The following IL31RA variants were observed in gnomAD, a reference collection of about 807,000 sequenced individuals.
IL31RA encodes the protein interleukin-31 receptor subunit alpha.
A neutral mutation model predicts 83.7 loss-of-function variants in IL31RA; 66 were observed. That is an observed-to-expected ratio of 0.79 (90% CI 0.65 to 0.97). The LOEUF (loss-of-function observed/expected upper bound fraction) is 0.97. Among genes scored for constraint, IL31RA ranks in the 50% least tolerant of loss-of-function variants. The pLI, the probability that IL31RA is intolerant of heterozygous loss-of-function variation, is 0.00. For synonymous variants in IL31RA, 325 were observed against 329.0 expected, an observed-to-expected ratio of 0.99 and a Z score of 0.13; for missense variants, 798 against 919.4, an observed-to-expected ratio of 0.87 and a Z score of 1.71.
At chr5:55,881,294 TC>T (rs906449242) in intron 4 of IL31RA, among the ~76,000 whole-genome samples, 2 of 113,010 alleles carry the variant, frequency 1.8e-5, no homozygotes, top group Non-Finnish European at 3.5e-5. Context: ...AGAGCAAGGC[TC>T]CATCTCAAAA....
chr5:55,865,400 G>A lies in IL31RA; in HGVS notation c.155-3391G>A, dbSNP rs73116463. Among the ~76,000 whole-genome samples, 1,488 of 152,208 alleles carry A rather than the reference G, an allele frequency of 9.8e-3. 29 individuals are homozygous for A. Among genetic ancestry groups the A allele is most frequent in the African/African-American group, 0.034 (1,413 of 41,516 alleles). ...GAGAGCGAGAAAAGTTGACACAACA[G>A]GAAGCCATCTAGCTCTCCCTCACCC... On this transcript the variant is annotated intron_variant, in intron 2 of 14. Transcript: ENST00000652347.
In IL31RA at chr5:55,890,025, C is replaced by A; in HGVS notation, c.662C>A (p.Thr221Lys). 6.2e-7 allele frequency: 1 copy of A among 1,614,036 alleles called. No homozygotes were observed. The highest frequency in any genetic ancestry group is 8.5e-7 in the Non-Finnish European group (1 of 1,179,930). ...RKDKNQTYNLTGLQPFTEYVI... is the reference protein window; with the variant it reads ...RKDKNQTYNLKGLQPFTEYVI... The stretch of plus-strand genomic sequence containing the variant: ...GATAAAAACCAAACGTACAACCTCA[C>A]GGGGCTGCAGCCTTTTACAGAATAT... Residue 221 changes from threonine (T) to lysine (K), a missense_variant, in exon 6 of 15, where the codon ACG becomes AAG. Transcript: ENST00000652347.
chr5:55,892,314 G>A (rs1748055917), intron 6 of IL31RA, among the ~76,000 whole-genome samples: 1 of 152,048 alleles, frequency 6.6e-6, no homozygotes, highest in Non-Finnish European at 1.5e-5. Context: ...GGTGGTTTAG[G>A]GATACCCATA....
intron 6 of IL31RA, 65 bp from the exon 7 acceptor site, chr5:55,896,285 C>A (rs1748326955): frequency 8.9e-7 from 1 of 1,124,748 alleles, no homozygotes; most frequent in East Asian, 2.3e-5. Flanking sequence ...GCCCAGCTAA[C>A]CTTTCCTGTC....
At chr5:55,884,887 T>A (rs1005587903) in intron 5 of IL31RA, among the ~76,000 whole-genome samples, 6 of 152,244 alleles carry the variant, frequency 3.9e-5, no homozygotes, top group African/African-American at 1.2e-4. Flanking sequence ...GTTGGTCTTA[T>A]CTATCATTCC....
At chr5:55,884,243 T>C (rs1475635592) in intron 5 of IL31RA, among the ~76,000 whole-genome samples, 5 of 152,242 alleles carry the variant, frequency 3.3e-5, no homozygotes, top group Admixed American at 3.3e-4. Flanking sequence ...CGTTTCACTC[T>C]CTTAATGGTG....
At chr5:55,884,198 C>T (rs149810131) in intron 5 of IL31RA, among the ~76,000 whole-genome samples, 1,915 of 152,234 alleles carry the variant, frequency 0.013, 24 homozygotes, top group Non-Finnish European at 0.016. Context: ...TTATTTGTTA[C>T]GTGTATTGCA....
intron 4 of IL31RA, among the ~76,000 whole-genome samples, chr5:55,879,535 C>T (rs1213437292): frequency 3.4e-5 from 5 of 145,942 alleles, no homozygotes; most frequent in African/African-American, 7.7e-5. Flanking sequence ...CAGGTTCAAG[C>T]GATTCTCCTG....
At chr5:55,857,696 T>C (rs2112292497) in intron 1 of IL31RA, among the ~76,000 whole-genome samples, 1 of 152,320 alleles carries the variant, frequency 6.6e-6, no homozygotes, top group East Asian at 1.9e-4. Context: ...AAATATGACA[T>C]GAGAGTCCTC....
At chr5:55,843,001 G>T in the IL31RA span, among the ~76,000 whole-genome samples, 2 of 152,110 alleles carry the variant, frequency 1.3e-5, no homozygotes, top group African/African-American at 2.4e-5. Context: ...TACTTCTGCT[G>T]CCCAAATTCT....
At chr5:55,840,707 G>A in the IL31RA span, among the ~76,000 whole-genome samples, 9 of 152,250 alleles carry the variant, frequency 5.9e-5, no homozygotes, top group South Asian at 1.0e-3. Flanking sequence ...TTATTCTGCT[G>A]GTGTACATCT....
chr5:55,886,465 G>T (rs1046380188), intron 5 of IL31RA, among the ~76,000 whole-genome samples: 3 of 151,740 alleles, frequency 2.0e-5, no homozygotes, highest in African/African-American at 7.3e-5. Flanking sequence ...AGTAGAGATG[G>T]GGTTTCACAT....
At chr5:55,851,204 A>G (rs952451947), upstream of IL31RA, among the ~76,000 whole-genome samples, 1 of 152,374 alleles carries the variant, frequency 6.6e-6, no homozygotes, top group Admixed American at 6.5e-5. Context: ...TCAGCTAATC[A>G]ATACATAACC....
intron 4 of IL31RA, among the ~76,000 whole-genome samples, chr5:55,881,256 C>G (rs909703276): frequency 4.0e-5 from 6 of 150,728 alleles, no homozygotes; most frequent in Non-Finnish European, 8.8e-5. Flanking sequence ...GAGCCGAGAT[C>G]GCGCCACTGC....
rs202145418 is a variant in IL31RA at position 55,912,965 on chromosome 5, CA to C, written c.1643-504del. On this transcript the variant is annotated intron_variant, in intron 12 of 14. Coordinates refer to ENST00000652347, the MANE Select transcript of IL31RA (RefSeq NM_139017.7). The stretch of plus-strand genomic sequence containing the variant: ...CTGGGCGACAGAGCAAGACCCATCT[CA>C]AAAAAAATTTATAAAAATTAAAAAG... 3.2e-3 allele frequency among the ~76,000 whole-genome samples: 481 copies of C among 151,668 alleles called. 4 individuals carry two copies. Among genetic ancestry groups the C allele is most frequent in the African/African-American group, 0.011 (468 of 41,364 alleles).
intron 4 of IL31RA, among the ~76,000 whole-genome samples, chr5:55,878,640 T>C (rs540109665): frequency 1.9e-4 from 29 of 152,266 alleles, no homozygotes; most frequent in South Asian, 1.9e-3. Flanking sequence ...ACACTGTATA[T>C]ACACACAGCT....
chr5:55,897,308 C>A (rs1188015979), intron 7 of IL31RA, among the ~76,000 whole-genome samples: 2 of 151,616 alleles, frequency 1.3e-5, no homozygotes, highest in Non-Finnish European at 2.9e-5. Context: ...GGTCATCTTG[C>A]AGATGGCCCA....
At chr5:55,881,021 G>A (rs1435948463) in intron 4 of IL31RA, among the ~76,000 whole-genome samples, 2 of 152,174 alleles carry the variant, frequency 1.3e-5, no homozygotes, top group Non-Finnish European at 2.9e-5. Context: ...AAGCTTTAGA[G>A]GCCGGGCGCG....
At chr5:55,867,673 G>A (rs112803911) in intron 2 of IL31RA, among the ~76,000 whole-genome samples, 10,129 of 152,090 alleles carry the variant, frequency 0.067, 544 homozygotes, top group African/African-American at 0.15. Flanking sequence ...AGACATACGC[G>A]AGACTGGGAA....
Sources: gnomAD v4.1 joint callset for allele counts (sites outside exome capture counted in the v4.1 genomes callset) on GRCh38, gnomAD v4.1.1 for gene constraint, MANE v1.5 for transcripts, NCBI Gene and HGNC (gene_info 2026-07-23, HGNC 2026-07-21) for gene names.